The following HHAT variants were observed in gnomAD, a reference collection of about 807,000 sequenced individuals.
HHAT encodes protein-cysteine N-palmitoyltransferase HHAT.
HHAT carries 47 observed loss-of-function variants against 70.8 expected under a neutral mutation model. The ratio of observed to expected loss-of-function variants is 0.66; its 90% CI spans 0.53 to 0.85. The LOEUF (loss-of-function observed/expected upper bound fraction) is 0.85. Ranked by LOEUF, HHAT falls within the 40% of genes least tolerant of loss-of-function variation. The pLI, the probability that HHAT is intolerant of heterozygous loss-of-function variation, is 0.00. For synonymous variants in HHAT, 228 were observed against 247.6 expected (o/e 0.92, Z 0.74); for missense variants, 609 against 604.8 (o/e 1.01, Z -0.07).
At chr1:210,499,152 A>G (rs925516696) in intron 8 of HHAT, among the ~76,000 whole-genome samples, 3 of 152,124 alleles carry the variant, frequency 2.0e-5, no homozygotes, top group Admixed American at 6.5e-5. Context: ...GACCATCTGT[A>G]TCACACTGCC....
At chr1:210,623,301 T>C (rs1383917665) in intron 10 of HHAT, among the ~76,000 whole-genome samples, 1 of 152,176 alleles carries the variant, frequency 6.6e-6, no homozygotes, top group Non-Finnish European at 1.5e-5. Flanking sequence ...CTTGAACTCC[T>C]GGGCCCAAGT....
At chr1:210,368,644 G>T (rs1442652943) in intron 3 of HHAT, among the ~76,000 whole-genome samples, 2 of 152,122 alleles carry the variant, frequency 1.3e-5, no homozygotes, top group Admixed American at 1.3e-4. Flanking sequence ...GGAATACAAG[G>T]TTATGGAGAA....
At chr1:210,634,994 G>C (rs925199423) in intron 11 of HHAT, among the ~76,000 whole-genome samples, 1 of 152,198 alleles carries the variant, frequency 6.6e-6, no homozygotes, top group African/African-American at 2.4e-5. Context: ...TGGGGACATA[G>C]TGCTTTGATA....
chr1:210,332,121 C>T (rs1185499260), intron 1 of HHAT, among the ~76,000 whole-genome samples: 1 of 152,164 alleles, frequency 6.6e-6, no homozygotes, highest in African/African-American at 2.4e-5. Flanking sequence ...TTTGGCTAGC[C>T]AACACTTCTC....
chr1:210,633,823 C>T (rs547596212), intron 11 of HHAT, among the ~76,000 whole-genome samples: 4 of 152,268 alleles, frequency 2.6e-5, no homozygotes, highest in South Asian at 4.1e-4. Context: ...GTCCCCTGGG[C>T]GCTTGCTGGC....
chr1:210,628,535 T>G (rs4504959), intron 11 of HHAT, among the ~76,000 whole-genome samples: 130,462 of 152,092 alleles, frequency 0.86, 56,234 homozygotes, highest in Admixed American at 0.92. Flanking sequence ...TCTATTATCC[T>G]ATCTATTTTG....
chr1:210,388,434 C>T (rs796827982), intron 4 of HHAT, among the ~76,000 whole-genome samples: 3 of 152,256 alleles, frequency 2.0e-5, no homozygotes, highest in African/African-American at 7.2e-5. Context: ...GAGATGCGCA[C>T]CTAACTTGGG....
chr1:210,331,155 T>C (rs903443137), intron 1 of HHAT, among the ~76,000 whole-genome samples: 1 of 152,150 alleles, frequency 6.6e-6, no homozygotes, highest in Non-Finnish European at 1.5e-5. Flanking sequence ...ACTTTATTTC[T>C]ATTATTATTA....
intron 9 of HHAT, among the ~76,000 whole-genome samples, chr1:210,577,380 A>G (rs901038640): frequency 2.6e-5 from 4 of 152,086 alleles, no homozygotes; most frequent in Non-Finnish European, 5.9e-5. Flanking sequence ...GGGAGTTTTT[A>G]TCATAAAAGT....
chr1:210,513,036 GT>G, intron 8 of HHAT, 116 bp from the exon 9 acceptor site: 2 of 659,346 alleles, frequency 3.0e-6, no homozygotes, highest in Non-Finnish European at 5.2e-6. Flanking sequence ...GAGAACTACT[GT>G]GGTAGAGCAA....
chr1:210,578,040 T>A (rs1230314308), intron 9 of HHAT, among the ~76,000 whole-genome samples: 1 of 152,200 alleles, frequency 6.6e-6, no homozygotes, highest in Non-Finnish European at 1.5e-5. Context: ...TTTCTTCAGT[T>A]CTTTTGATGA....
intron 7 of HHAT, among the ~76,000 whole-genome samples, chr1:210,425,227 C>A (rs1233831795): frequency 6.6e-6 from 1 of 152,000 alleles, no homozygotes; most frequent in African/African-American, 2.4e-5. Flanking sequence ...CATTTAAGTT[C>A]TTTGAGATGC....
chr1:210,380,272 G>T (rs1316331426), intron 3 of HHAT, among the ~76,000 whole-genome samples: 1 of 152,150 alleles, frequency 6.6e-6, no homozygotes, highest in Non-Finnish European at 1.5e-5. Flanking sequence ...TGGGTCTGGT[G>T]GCTCACGCCT....
intron 7 of HHAT, among the ~76,000 whole-genome samples, chr1:210,433,265 T>A (rs2148331437): frequency 6.6e-6 from 1 of 151,804 alleles, no homozygotes; most frequent in East Asian, 1.9e-4. Flanking sequence ...AATGAGTACT[T>A]CACTTGCAGG....
chr1:210,352,815 C>T (rs1014941331), intron 2 of HHAT, among the ~76,000 whole-genome samples: 6 of 152,150 alleles, frequency 3.9e-5, no homozygotes, highest in Admixed American at 6.5e-5. Flanking sequence ...TGATAGTGAT[C>T]CGCTATGCTG....
chr1:210,471,282 A>C (rs538719872), intron 8 of HHAT, among the ~76,000 whole-genome samples: 1 of 152,144 alleles, frequency 6.6e-6, no homozygotes, highest in African/African-American at 2.4e-5. Context: ...ACATGCCAAC[A>C]TATCACATCT....
intron 1 of HHAT, among the ~76,000 whole-genome samples, chr1:210,332,264 A>G (rs772969758): frequency 1.3e-5 from 2 of 152,250 alleles, no homozygotes; most frequent in Admixed American, 6.5e-5. Context: ...CTGATAGGTA[A>G]TCATTCAAAG....
chr1:210,645,279 G>A (rs1210351146), intron 11 of HHAT, among the ~76,000 whole-genome samples: 2 of 151,922 alleles, frequency 1.3e-5, no homozygotes, highest in Non-Finnish European at 2.9e-5. Context: ...ACTTTATTTA[G>A]GTATATATAT....
chr1:210,578,920 A>G (rs997516434), intron 9 of HHAT, among the ~76,000 whole-genome samples: 10 of 152,218 alleles, frequency 6.6e-5, no homozygotes, highest in African/African-American at 1.4e-4. Flanking sequence ...AAGCCCATCA[A>G]TGGCAGATTG....
Sources: gnomAD v4.1 joint callset for allele counts (sites outside exome capture counted in the v4.1 genomes callset) on GRCh38, gnomAD v4.1.1 for gene constraint, MANE v1.5 for transcripts, NCBI Gene and HGNC (gene_info 2026-07-23, HGNC 2026-07-21) for gene names.